RHEBL1: variants seen among roughly 807,000 people sequenced by gnomAD.
RHEBL1 encodes the protein GTPase RhebL1.
Under a neutral mutation model 27.4 loss-of-function variants are expected in RHEBL1, and 22 were observed. The ratio of observed to expected loss-of-function variants is 0.80; its 90% CI spans 0.57 to 1.15. RHEBL1 has a LOEUF of 1.15. Ranked by LOEUF, RHEBL1 falls within the 50% of genes most tolerant of loss-of-function variation. The pLI is 0.00. For missense variants in RHEBL1, 186 were observed against 226.5 expected (o/e 0.82, Z 1.15); for synonymous variants, 85 against 80.8 (o/e 1.05, Z -0.28).
Position 49,066,655 on chromosome 12 carries a change from C to A in RHEBL1, c.239G>T (p.Gly80Val). Residue 80 changes from glycine (G) to valine (V), a missense_variant, in exon 4 of 8, where the codon GGT becomes GTT. This residue lies in a region of RHEBL1 where 34 missense variants were observed against 69.3 expected (regional missense o/e 0.49). Transcript: ENST00000301068. ...LPYSFIIGVHGYVLVYSVTSL... is the reference protein window; with the variant it reads ...LPYSFIIGVHVYVLVYSVTSL... ...GGTGACAGAATACACAAGCACATAA[C>A]CATGGACCCCAATGATGAATGAATA... The A allele has an allele frequency of 6.2e-7, 1 of 1,614,156 alleles. No homozygotes were observed. The highest frequency in any genetic ancestry group is 8.5e-7 in the Non-Finnish European group (1 of 1,180,022).
chr12:49,068,258 T>C (rs1261225455), intron 2 of RHEBL1, among the ~76,000 whole-genome samples: 3 of 151,522 alleles, frequency 2.0e-5, no homozygotes, highest in Non-Finnish European at 2.9e-5. Context: ...GCCTCCCGAG[T>C]AGATGGGATT....
chr12:49,066,919 T>C, intron 3 of RHEBL1, 49 bp downstream of exon 3: 2 of 1,460,790 alleles, frequency 1.4e-6, no homozygotes, highest in South Asian at 2.3e-5. Flanking sequence ...CCAGACTTCA[T>C]CTCCGAGGGC....
Position 49,065,345 on chromosome 12 carries a change from A to G in RHEBL1, c.462+5T>C. 1 of 1,613,338 alleles carries G rather than the reference A, an allele frequency of 6.2e-7. No individual in the cohort carries two copies. The highest frequency in any genetic ancestry group is 8.5e-7 in the Non-Finnish European group (1 of 1,179,258). On this transcript the variant is annotated splice_donor_5th_base_variant and intron_variant, in intron 7 of 7. Transcript: ENST00000301068. Reference sequence around the variant, plus strand: ...CACCACCCTTCTAGTCTTCAGGCCCAGCACCTGATTCTCTCGAGCAGATGA... The same window carrying G: ...CACCACCCTTCTAGTCTTCAGGCCCGGCACCTGATTCTCTCGAGCAGATGA...
At position 49,064,725 on chromosome 12, in the gene RHEBL1, C is replaced by T. The variant is rs1938966325; in HGVS notation, c.*378G>A. On this transcript the variant is annotated 3_prime_UTR_variant, in exon 8 of 8. Transcript: ENST00000301068. ...TATTTGCATATATACATTGTCACCC[C>T]AGGGAGCCAGCTCTATTTCAGAAGT... The T allele has an allele frequency of 1.4e-5, 3 of 222,008 alleles. No individual in the cohort carries two copies. Among genetic ancestry groups the T allele is most frequent in the African/African-American group, 6.7e-5 (3 of 44,644 alleles). The allele number at this position is 222,008 out of a possible 1,614,324, so 13.8% of individuals were successfully genotyped here.
intron 5 of RHEBL1, 52 bp downstream of exon 5, chr12:49,066,421 CTCT>C: frequency 6.3e-7 from 1 of 1,583,204 alleles, no homozygotes. Context: ...CTCCCCTCTG[CTCT>C]CTCCCACCCC....
chr12:49,065,545 A>G, intron 6 of RHEBL1, 114 bp from the exon 7 acceptor site: 1 of 847,982 alleles, frequency 1.2e-6, no homozygotes. Flanking sequence ...CCTGTAATGC[A>G]GCACTTTGGG....
chr12:49,069,964 A>C lies in RHEBL1; in HGVS notation c.-179T>G. 3.3e-6 allele frequency: 2 copies of C among 609,348 alleles called. No individual in the cohort carries two copies. The highest frequency in any genetic ancestry group is 5.8e-6 in the Non-Finnish European group (2 of 341,890). 37.7% of individuals were successfully genotyped at this position (609,348 alleles called of 1,614,324 possible). On this transcript the variant is annotated 5_prime_UTR_variant, in exon 1 of 8. Transcript: ENST00000301068. ...GCCCGGAGCTGCCCACGTGATCACAACACAGCACGTCTAACGCCAGGGAGC... is the reference window on the plus strand; with the variant it reads ...GCCCGGAGCTGCCCACGTGATCACACCACAGCACGTCTAACGCCAGGGAGC...
At chr12:49,065,499 G>C in intron 6 of RHEBL1, 68 bp from the exon 7 acceptor site, 1 of 1,328,322 alleles carries the variant, frequency 7.5e-7, no homozygotes, top group African/African-American at 1.4e-5. Context: ...AAAATCTTCA[G>C]AATCAAGACT....
chr12:49,066,237 G>A lies in RHEBL1; in HGVS notation c.374C>T (p.Pro125Leu). Residue 125 changes from proline (P) to leucine (L), a missense_variant, in exon 6 of 8, where the codon CCA becomes CTA. Transcript: ENST00000301068. ...VLVGNKADLS[P>L]EREVQAVEGK... ...GTAGCAGAGATTTACATACCTCTCT[G>A]GAGAGAGATCTGCCTTGTTCCCCAC... 6.2e-7 allele frequency: 1 copy of A among 1,613,010 alleles called. No individual in the cohort carries two copies. The highest frequency in any genetic ancestry group is 8.5e-7 in the Non-Finnish European group (1 of 1,179,012).
intron 3 of RHEBL1, 66 bp from the exon 4 acceptor site, chr12:49,066,767 C>T (rs1939004158): frequency 6.8e-7 from 1 of 1,474,184 alleles, no homozygotes; most frequent in African/African-American, 1.4e-5. Context: ...GTTGGTGGGA[C>T]AACATCCAGG....
chr12:49,069,967 C>A lies in RHEBL1; in HGVS notation c.-182G>T. On this transcript the variant is annotated 5_prime_UTR_variant, in exon 1 of 8. Coordinates refer to ENST00000301068, the MANE Select transcript of RHEBL1 (RefSeq NM_144593.3). ...CGGAGCTGCCCACGTGATCACAACA[C>A]AGCACGTCTAACGCCAGGGAGCCGG... The A allele has an allele frequency of 1.6e-6, 1 of 611,426 alleles. No individual in the cohort carries two copies. The highest frequency in any genetic ancestry group is 2.9e-6 in the Non-Finnish European group (1 of 343,642). The allele number at this position is 611,426 out of a possible 1,614,324, so 37.9% of individuals were successfully genotyped here.
intron 4 of RHEBL1, 34 bp from the exon 5 acceptor site, chr12:49,066,566 G>A (rs2120756151): frequency 6.2e-7 from 1 of 1,613,800 alleles, no homozygotes; most frequent in Admixed American, 1.7e-5. Flanking sequence ...ATAACTTTAT[G>A]AGACAGTCCT....
Position 49,066,244 on chromosome 12 carries a change from G to C in RHEBL1, c.367C>G (p.Leu123Val), listed in dbSNP as rs768967826. 6.2e-7 allele frequency: 1 copy of C among 1,613,782 alleles called. No homozygotes were observed. The highest frequency in any genetic ancestry group is 1.7e-5 in the Admixed American group (1 of 60,022). ...AGATTTACATACCTCTCTGGAGAGA[G>C]ATCTGCCTTGTTCCCCACTAGAACC... ...PVVLVGNKAD[L>V]SPEREVQAVE... The change falls in exon 6 of 8, where the codon CTC (leucine) becomes GTC (valine). Residue 123 changes from leucine to valine, a missense_variant. Around this residue, in one of 3 missense-constraint regions of RHEBL1, gnomAD observed 90 missense variants for 95.2 expected, o/e 0.95. Transcript: ENST00000301068.
chr12:49,066,585 C>T, intron 4 of RHEBL1, 34 bp downstream of exon 4: 1 of 1,613,556 alleles, frequency 6.2e-7, no homozygotes, highest in Non-Finnish European at 8.5e-7. Context: ...CTCAGGTTCT[C>T]CCAAGTCCCG....
rs1282440655 is a variant in RHEBL1, at chr12:49,069,015, T to A, written c.124+20A>T. ...TCCGGGTCGCATACCACCAGCACAC[T>A]AGGGGAGAAGTCTACTCACTATTCT... On this transcript the variant is annotated intron_variant, in intron 2 of 7. Transcript: ENST00000301068. The A allele has an allele frequency of 1.2e-6, 2 of 1,607,848 alleles. No homozygotes were observed. Among genetic ancestry groups the A allele is most frequent in the African/African-American group, 2.7e-5 (2 of 74,802 alleles).
At chr12:49,068,682 C>T (rs1253498370) in intron 2 of RHEBL1, among the ~76,000 whole-genome samples, 1 of 151,840 alleles carries the variant, frequency 6.6e-6, no homozygotes, top group Non-Finnish European at 1.5e-5. Context: ...TCCATCCGCC[C>T]GCCTCAGCTT....
intron 1 of RHEBL1, 139 bp from the exon 2 acceptor site, chr12:49,069,245 T>G: frequency 7.0e-7 from 1 of 1,437,774 alleles, no homozygotes; most frequent in East Asian, 2.4e-5. Flanking sequence ...AATGCTATCC[T>G]TTGTGTCTAC....
chr12:49,069,569 CT>C (rs71080168), intron 1 of RHEBL1, among the ~76,000 whole-genome samples, 164 bp downstream of exon 1: 67,378 of 151,796 alleles, frequency 0.44, 15,094 homozygotes, highest in South Asian at 0.54. Flanking sequence ...ACACCACCAA[CT>C]CTTCCAATCC....
rs1939062361 is a variant in RHEBL1 at position 49,069,902 on chromosome 12, C to A, written c.-117G>T. The A allele has an allele frequency of 1.2e-6, 1 of 850,900 alleles. No individual in the cohort carries two copies. The highest frequency in any genetic ancestry group is 2.6e-5 in the East Asian group (1 of 38,106). 52.7% of individuals were successfully genotyped at this position (850,900 alleles called of 1,614,324 possible). ...GGAAAGTCGCTCACCCCGAAGCTGC[C>A]GTGGGCAAGTTAGAAGGAAACCAAA... On this transcript the variant is annotated 5_prime_UTR_variant, in exon 1 of 8. Coordinates refer to ENST00000301068, the MANE Select transcript of RHEBL1 (RefSeq NM_144593.3).
Sources: gnomAD v4.1 joint callset for allele counts (sites outside exome capture counted in the v4.1 genomes callset) on GRCh38, gnomAD v4.1.1 for gene constraint, gnomAD v4.1.1 regional missense constraint, MANE v1.5 for transcripts, NCBI Gene and HGNC (gene_info 2026-07-23, HGNC 2026-07-21) for gene names.